Variants in BORA observed in about 807,000 individuals in gnomAD.
BORA encodes protein aurora borealis.
BORA carries 26 observed loss-of-function variants against 55.8 expected under a neutral mutation model. The observed-to-expected ratio is 0.47, with a 90% CI of 0.34 to 0.65. The LOEUF is 0.65. Ranked by LOEUF, BORA falls within the 30% of genes least tolerant of loss-of-function variation. BORA has a pLI of 0.01. For missense variants in BORA, 568 were observed against 671.5 expected (o/e 0.85, Z 1.70); for synonymous variants, 201 against 216.9 (o/e 0.93, Z 0.64).
chr13:72,755,431 A>G lies in BORA; in HGVS notation c.*215A>G. ...TGAATTATAAGTTTATTTTTTATCA[A>G]TAAATATTTTTATACTTACATTGAG... On this transcript the variant is annotated 3_prime_UTR_variant, in exon 12 of 12. Coordinates refer to ENST00000390667, the MANE Select transcript of BORA (RefSeq NM_024808.5). 1.9e-6 allele frequency: 1 copy of G among 515,116 alleles called. No homozygotes were observed. Among genetic ancestry groups the G allele is most frequent in the Non-Finnish European group, 3.4e-6 (1 of 292,232 alleles). 31.9% of individuals were successfully genotyped at this position (515,116 alleles called of 1,614,324 possible). A position where few individuals can be genotyped will look rare whatever the true frequency, so the allele number is the denominator to read the frequency against.
chr13:72,754,932 C>T, intron 11 of BORA: 1 of 452,960 alleles, frequency 2.2e-6, no homozygotes, highest in Non-Finnish European at 4.0e-6. Context: ...AGGGCTAGTC[C>T]CAAACTCCTG....
chr13:72,739,259 T>G (rs1042107912), intron 5 of BORA, among the ~76,000 whole-genome samples: 6 of 152,236 alleles, frequency 3.9e-5, no homozygotes, highest in Non-Finnish European at 8.8e-5. Flanking sequence ...AGTGATTTTT[T>G]AAATAACATT....
At chr13:72,729,921 G>C (rs1303029102) in intron 2 of BORA, among the ~76,000 whole-genome samples, 1 of 151,912 alleles carries the variant, frequency 6.6e-6, no homozygotes, top group Non-Finnish European at 1.5e-5. Flanking sequence ...TGAAGGAAAA[G>C]TGTTCTTCAG....
intron 1 of BORA, 85 bp from the exon 2 acceptor site, chr13:72,728,841 C>A: frequency 1.6e-6 from 2 of 1,242,808 alleles, no homozygotes; most frequent in Non-Finnish European, 2.2e-6. Flanking sequence ...TTTTGTGACA[C>A]ATTTGTCGAG....
chr13:72,731,878 C>T (rs560086371), intron 3 of BORA, among the ~76,000 whole-genome samples: 3 of 152,340 alleles, frequency 2.0e-5, no homozygotes, highest in African/African-American at 7.2e-5. Flanking sequence ...CATCATCCAA[C>T]TGTAACAATT....
intron 3 of BORA, among the ~76,000 whole-genome samples, chr13:72,731,614 T>C (rs1243947238): frequency 6.6e-6 from 1 of 152,128 alleles, no homozygotes; most frequent in Non-Finnish European, 1.5e-5. Flanking sequence ...AAGTAACCTT[T>C]TCCCTCTGCT....
At chr13:72,744,622 T>C in intron 7 of BORA, 61 bp downstream of exon 7, 8 of 1,292,678 alleles carry the variant, frequency 6.2e-6, no homozygotes, top group Non-Finnish European at 7.7e-6. Flanking sequence ...TTTGGCTGGC[T>C]TTTTGTAAAT....
rs752435806 is a variant in BORA, at chr13:72,727,956, G to A, written c.-67G>A. 1.9e-6 allele frequency: 3 copies of A among 1,550,484 alleles called. No individual in the cohort carries two copies. The highest frequency in any genetic ancestry group is 1.7e-4 in the Middle Eastern group (1 of 6,014). On this transcript the variant is annotated 5_prime_UTR_variant, in exon 1 of 12. Coordinates refer to ENST00000390667, the MANE Select transcript of BORA (RefSeq NM_024808.5). ...TATGCCTGTCGTGGAAGCTGGCCTG[G>A]CCCCCGGAGCTCCCTGGAGTCGGTA... is the stretch of plus-strand genomic sequence containing the variant.
At chr13:72,735,111 C>A in intron 4 of BORA, 106 bp downstream of exon 4, 1 of 857,988 alleles carries the variant, frequency 1.2e-6, no homozygotes, top group Non-Finnish European at 1.9e-6. Context: ...TCCTATCTCC[C>A]CTCCAAGCCC....
At chr13:72,728,177 A>T in intron 1 of BORA, 170 bp downstream of exon 1, 1 of 923,038 alleles carries the variant, frequency 1.1e-6, no homozygotes, top group African/African-American at 1.6e-5. Flanking sequence ...GTTGGGGGCG[A>T]CGCCTCCTTC....
At chr13:72,747,690 C>A (rs1298181279) in intron 10 of BORA, among the ~76,000 whole-genome samples, 1 of 151,864 alleles carries the variant, frequency 6.6e-6, no homozygotes, top group Non-Finnish European at 1.5e-5. Flanking sequence ...TGCGTCACCA[C>A]ACCTGGCTAA....
intron 2 of BORA, 55 bp downstream of exon 2, chr13:72,729,148 A>G (rs1050074807): frequency 5.2e-6 from 7 of 1,333,432 alleles, no homozygotes; most frequent in Non-Finnish European, 6.1e-6. Context: ...GTAATTACAA[A>G]TAATTTTAAA....
intron 3 of BORA, among the ~76,000 whole-genome samples, chr13:72,732,387 C>T (rs368990586): frequency 6.6e-6 from 1 of 151,910 alleles, no homozygotes. Flanking sequence ...TAAATAATAC[C>T]TTTGAGGCCA....
rs2033081592 is a variant in BORA at position 72,743,616 on chromosome 13, C to G, written c.454+14C>G. On this transcript the variant is annotated intron_variant, in intron 6 of 11. Transcript: ENST00000390667. ...AGAAAAGCGATGGTGAGTATGAACA[C>G]AATTTGAAAAGAAGGATGTTCCATA... is the stretch of plus-strand genomic sequence containing the variant. The G allele has an allele frequency of 6.3e-7, 1 of 1,588,608 alleles. No homozygotes were observed. The highest frequency in any genetic ancestry group is 2.3e-5 in the East Asian group (1 of 44,366).
At chr13:72,735,027 C>G in intron 4 of BORA, 22 bp downstream of exon 4, 1 of 1,557,190 alleles carries the variant, frequency 6.4e-7, no homozygotes, top group South Asian at 1.1e-5. Flanking sequence ...TGTTACTGAT[C>G]ATTAAATCAG....
rs761276256 is a variant in BORA, at chr13:72,746,907, G to A, written c.1278G>A (p.Arg426=). 1 of 1,614,100 alleles carries A rather than the reference G, an allele frequency of 6.2e-7. No individual in the cohort carries two copies. Among genetic ancestry groups the A allele is most frequent in the South Asian group, 1.1e-5 (1 of 91,084 alleles). Residue 426 remains arginine (R), a synonymous_variant, in exon 10 of 12, where the codon AGG becomes AGA. Transcript: ENST00000390667. ...TAGCACTGTTGCAGGATGTTGAAAG[G>A]GAGAAAGACAATAACACTGTGGATA... is the stretch of plus-strand genomic sequence containing the variant. ...KELALLQDVE[R]EKDNNTVDMV... is the part of the protein sequence containing the mutation.
At chr13:72,740,763 G>A (rs1037305401) in intron 5 of BORA, among the ~76,000 whole-genome samples, 8 of 152,150 alleles carry the variant, frequency 5.3e-5, no homozygotes, top group African/African-American at 1.9e-4. Context: ...TAAAAAAATA[G>A]GTGAAAGGCC....
chr13:72,745,185 G>T lies in BORA; in HGVS notation c.716G>T (p.Ser239Ile). The change falls in exon 8 of 12, where the codon AGC becomes ATC. Residue 239 changes from serine (S) to isoleucine (I), a missense_variant. By Grantham distance (142) the Ser-to-Ile change is moderately radical (BLOSUM62 -2). Coordinates refer to ENST00000390667, the MANE Select transcript of BORA (RefSeq NM_024808.5). ...GATTTGTCTCCTGTAAAGTGTAGGA[G>T]CCCCTTGCAGACACCAAGTTCGGTG... ...SIDLSPVKCR[S>I]PLQTPSSGQF... 6.2e-7 allele frequency: 1 copy of T among 1,613,738 alleles called. No individual in the cohort carries two copies. Among genetic ancestry groups the T allele is most frequent in the Non-Finnish European group, 8.5e-7 (1 of 1,179,684 alleles).
chr13:72,736,764 G>T (rs1164900884), intron 4 of BORA, among the ~76,000 whole-genome samples: 1 of 151,958 alleles, frequency 6.6e-6, no homozygotes, highest in African/African-American at 2.4e-5. Flanking sequence ...GGTTATACCA[G>T]TTTATACTCC....
Sources: allele counts gnomAD v4.1 joint callset (sites outside exome capture counted in the v4.1 genomes callset), GRCh38; gene constraint gnomAD v4.1.1; transcripts MANE v1.5; gene names NCBI Gene and HGNC (gene_info 2026-07-23, HGNC 2026-07-21).